LRMDA: variants seen among roughly 807,000 people sequenced by gnomAD.
The protein encoded by LRMDA is leucine rich melanocyte differentiation associated.
A neutral mutation model predicts 29.8 loss-of-function variants in LRMDA; 18 were observed. The ratio of observed to expected loss-of-function variants is 0.60; its 90% CI spans 0.42 to 0.90. LRMDA has a LOEUF of 0.90. Among genes scored for constraint, LRMDA ranks in the 40% least tolerant of loss-of-function variants. LRMDA has a pLI of 0.00. For synonymous variants in LRMDA, 125 were observed against 109.4 expected, an observed-to-expected ratio of 1.14 and a Z score of -0.89; for missense variants, 273 against 273.9, an observed-to-expected ratio of 1.00 and a Z score of 0.02.
chr10:76,067,286 C>T (rs1848800139), intron 5 of LRMDA, among the ~76,000 whole-genome samples: 1 of 152,182 alleles, frequency 6.6e-6, no homozygotes, highest in South Asian at 2.1e-4. Context: ...TTGTCATTCG[C>T]ATGATCACTG....
At chr10:76,078,686 A>T (rs1438591771) in intron 5 of LRMDA, among the ~76,000 whole-genome samples, 1 of 152,078 alleles carries the variant, frequency 6.6e-6, no homozygotes, top group Non-Finnish European at 1.5e-5. Context: ...ATACAAAAAA[A>T]TTAGCCGGAC....
At chr10:76,289,189 T>C (rs1840308779) in intron 5 of LRMDA, among the ~76,000 whole-genome samples, 2 of 152,272 alleles carry the variant, frequency 1.3e-5, no homozygotes, top group Admixed American at 6.5e-5. Context: ...GAAGCAGATA[T>C]TTCCAGAGCC....
intron 2 of LRMDA, among the ~76,000 whole-genome samples, chr10:75,846,739 A>G (rs774595248): frequency 2.6e-5 from 4 of 152,198 alleles, no homozygotes; most frequent in Non-Finnish European, 4.4e-5. Flanking sequence ...ACCACCAACA[A>G]AAACCAAAGC....
At chr10:76,294,069 T>C (rs959159869) in intron 5 of LRMDA, among the ~76,000 whole-genome samples, 11 of 152,312 alleles carry the variant, frequency 7.2e-5, no homozygotes, top group African/African-American at 2.6e-4. Context: ...GTTGACAAGC[T>C]GGGTGTTCTG....
At chr10:75,541,995 G>A (rs1840023379) in intron 2 of LRMDA, among the ~76,000 whole-genome samples, 1 of 152,110 alleles carries the variant, frequency 6.6e-6, no homozygotes, top group South Asian at 2.1e-4. Context: ...CCTTTTGTAT[G>A]TCAGCTGTTG....
At chr10:76,455,288 A>C (rs1842445700) in intron 6 of LRMDA, among the ~76,000 whole-genome samples, 1 of 152,204 alleles carries the variant, frequency 6.6e-6, no homozygotes, top group Non-Finnish European at 1.5e-5. Context: ...AATGGAAAAT[A>C]TAAGATATAT....
intron 2 of LRMDA, among the ~76,000 whole-genome samples, chr10:75,613,535 C>T (rs1564522576): frequency 6.6e-6 from 1 of 152,174 alleles, no homozygotes; most frequent in Non-Finnish European, 1.5e-5. Flanking sequence ...GCAGCTGTCT[C>T]ATTTTCTAGG....
chr10:76,187,862 A>AT lies in LRMDA; in HGVS notation c.516+129088dup, dbSNP rs202023553. Among the ~76,000 whole-genome samples the AT allele has an allele frequency of 2.0e-4, 31 of 151,814 alleles. No individual in the cohort carries two copies. In the East Asian group the frequency reaches 2.1e-3, roughly 10 times the overall value. On this transcript the variant is annotated intron_variant, in intron 5 of 6. Coordinates refer to ENST00000611255, the MANE Select transcript of LRMDA (RefSeq NM_001305581.2). ...TTAGCAATTCAGAGAAAGGCATTCA[A>AT]TTTTTTTTTATTTTCATCCTGGGGA... is the stretch of plus-strand genomic sequence containing the variant.
At chr10:76,030,789 A>T (rs1848136443) in intron 2 of LRMDA, among the ~76,000 whole-genome samples, 1 of 152,194 alleles carries the variant, frequency 6.6e-6, no homozygotes, top group South Asian at 2.1e-4. Context: ...CTCCATCTTA[A>T]AAAAATTAAA....
chr10:75,979,899 T>A (rs922282405), intron 2 of LRMDA, among the ~76,000 whole-genome samples: 3 of 152,244 alleles, frequency 2.0e-5, no homozygotes, highest in African/African-American at 7.2e-5. Context: ...TAGACTAATA[T>A]GTAGCCCTCT....
chr10:75,740,784 C>T (rs1284773189), intron 2 of LRMDA, among the ~76,000 whole-genome samples: 3 of 152,040 alleles, frequency 2.0e-5, no homozygotes, highest in Non-Finnish European at 4.4e-5. Flanking sequence ...ATTTGTGATT[C>T]AATTTCTAAT....
intron 6 of LRMDA, among the ~76,000 whole-genome samples, chr10:76,536,951 T>C (rs912475972): frequency 2.0e-5 from 3 of 152,236 alleles, no homozygotes; most frequent in Non-Finnish European, 4.4e-5. Flanking sequence ...ACTCCTTCTA[T>C]ATTAATTAGC....
At chr10:76,060,248 C>T (rs1174584746) in intron 5 of LRMDA, among the ~76,000 whole-genome samples, 1 of 152,134 alleles carries the variant, frequency 6.6e-6, no homozygotes, top group Non-Finnish European at 1.5e-5. Context: ...TACCTGTGTG[C>T]AGAGTGGATC....
At chr10:76,151,987 A>G (rs1850453655) in intron 5 of LRMDA, among the ~76,000 whole-genome samples, 1 of 152,240 alleles carries the variant, frequency 6.6e-6, no homozygotes, top group Non-Finnish European at 1.5e-5. Flanking sequence ...TTACTAGTTT[A>G]CCCACATAAT....
intron 6 of LRMDA, among the ~76,000 whole-genome samples, chr10:76,334,223 G>A (rs1164328379): frequency 1.3e-5 from 2 of 152,158 alleles, no homozygotes; most frequent in African/African-American, 4.8e-5. Context: ...AATGCTTTTG[G>A]TCTAAATTGT....
chr10:75,757,954 G>A (rs187154546), intron 2 of LRMDA, among the ~76,000 whole-genome samples: 5 of 151,960 alleles, frequency 3.3e-5, no homozygotes, highest in African/African-American at 7.3e-5. Flanking sequence ...CATATGTCAC[G>A]ATGCCTGGCT....
intron 6 of LRMDA, among the ~76,000 whole-genome samples, chr10:76,404,317 A>G (rs1283257933): frequency 6.6e-6 from 1 of 152,178 alleles, no homozygotes; most frequent in Admixed American, 6.5e-5. Context: ...ATTCCCCAAA[A>G]GAAACATTTA....
At chr10:76,073,153 G>T (rs1408987805) in intron 5 of LRMDA, among the ~76,000 whole-genome samples, 2 of 152,170 alleles carry the variant, frequency 1.3e-5, no homozygotes, top group African/African-American at 4.8e-5. Context: ...AAGATGAAAA[G>T]ACCAAGGAAC....
chr10:75,490,774 G>C (rs1406743737), intron 2 of LRMDA, among the ~76,000 whole-genome samples: 1 of 152,168 alleles, frequency 6.6e-6, no homozygotes, highest in Non-Finnish European at 1.5e-5. Flanking sequence ...CTGAAACCAA[G>C]AAGAAATTGT....
Sources: allele counts gnomAD v4.1 joint callset (sites outside exome capture counted in the v4.1 genomes callset), GRCh38; gene constraint gnomAD v4.1.1; transcripts MANE v1.5; gene names NCBI Gene and HGNC (gene_info 2026-07-23, HGNC 2026-07-21).